SAMD4A: variants seen among roughly 807,000 people sequenced by gnomAD.
The protein encoded by SAMD4A is protein Smaug homolog 1.
In SAMD4A, 33 loss-of-function variants were observed where a neutral mutation model predicts 81.3. The observed-to-expected ratio is 0.41, with a 90% CI of 0.31 to 0.54. The LOEUF is 0.54. Among genes scored for constraint, SAMD4A ranks in the 20% least tolerant of loss-of-function variants. The pLI, the probability that SAMD4A is intolerant of heterozygous loss-of-function variation, is 0.37. For missense variants in SAMD4A, 854 were observed against 951.1 expected (o/e 0.90, Z 1.34); for synonymous variants, 389 against 382.1 (o/e 1.02, Z -0.21).
chr14:54,698,093 G>A (rs2036620512), intron 2 of SAMD4A, among the ~76,000 whole-genome samples: 2 of 152,200 alleles, frequency 1.3e-5, no homozygotes, highest in South Asian at 2.1e-4. Flanking sequence ...CCTGCACTCA[G>A]AAGGAAGGGA....
At chr14:54,689,309 G>C (rs571910164) in intron 2 of SAMD4A, among the ~76,000 whole-genome samples, 15 of 152,238 alleles carry the variant, frequency 9.9e-5, no homozygotes, top group African/African-American at 3.6e-4. Context: ...AGGGCTTTGG[G>C]TCTCCTCCTG....
In SAMD4A at chr14:54,567,728, C is replaced by G; in HGVS notation, c.-189C>G. The G allele has an allele frequency of 1.8e-6, 1 of 565,538 alleles. No homozygotes were observed. Among genetic ancestry groups the G allele is most frequent in the Non-Finnish European group, 3.0e-6 (1 of 328,382 alleles). 35.0% of individuals were successfully genotyped at this position (565,538 alleles called of 1,614,324 possible). On this transcript the variant is annotated 5_prime_UTR_variant, in exon 2 of 13. Transcript: ENST00000554335. ...CTCTGGGGAAATCAGCCAGAACCAC[C>G]GGAACGTAACTGAAACCAGACAAGA...
intron 2 of SAMD4A, among the ~76,000 whole-genome samples, chr14:54,569,021 TG>T (rs1189610383): frequency 6.6e-6 from 1 of 151,564 alleles, no homozygotes; most frequent in Non-Finnish European, 1.5e-5. Context: ...AGGAGGAGGC[TG>T]GGGGATGGGG....
intron 2 of SAMD4A, among the ~76,000 whole-genome samples, chr14:54,614,462 G>T (rs1193445558): frequency 6.6e-6 from 1 of 152,114 alleles, no homozygotes; most frequent in African/African-American, 2.4e-5. Context: ...TTGGATACTG[G>T]AAAAATTCTG....
intron 2 of SAMD4A, among the ~76,000 whole-genome samples, chr14:54,681,210 G>A (rs1227620700): frequency 2.9e-5 from 4 of 137,612 alleles, no homozygotes; most frequent in Non-Finnish European, 4.6e-5. Flanking sequence ...CCAACCGTGT[G>A]TCACTTCACC....
At chr14:54,584,830 G>A (rs116855721) in intron 2 of SAMD4A, among the ~76,000 whole-genome samples, 5,040 of 152,232 alleles carry the variant, frequency 0.033, 108 homozygotes, top group East Asian at 0.098. Context: ...ATTTTATTAA[G>A]TATACTTTCT....
intron 2 of SAMD4A, among the ~76,000 whole-genome samples, chr14:54,592,271 C>G (rs2033798263): frequency 6.6e-6 from 1 of 152,096 alleles, no homozygotes; most frequent in Non-Finnish European, 1.5e-5. Context: ...TTTGTAAGCT[C>G]CTTTCCTGTG....
At chr14:54,768,132 C>T (rs1484681441) in intron 8 of SAMD4A, among the ~76,000 whole-genome samples, 5 of 152,160 alleles carry the variant, frequency 3.3e-5, no homozygotes. Flanking sequence ...CAGGCTGGCA[C>T]CAGACCAGCT....
At chr14:54,644,428 G>T (rs1218865596) in intron 2 of SAMD4A, among the ~76,000 whole-genome samples, 1 of 152,162 alleles carries the variant, frequency 6.6e-6, no homozygotes, top group African/African-American at 2.4e-5. Context: ...CAGGCACCTG[G>T]CTATGTACTT....
At chr14:54,662,854 G>C (rs764383897) in intron 2 of SAMD4A, among the ~76,000 whole-genome samples, 19 of 152,164 alleles carry the variant, frequency 1.2e-4, no homozygotes, top group Non-Finnish European at 2.4e-4. Context: ...TTGACCCCCA[G>C]AGAGGTCTTG....
At chr14:54,692,735 T>G (rs2036472943) in intron 2 of SAMD4A, among the ~76,000 whole-genome samples, 2 of 152,152 alleles carry the variant, frequency 1.3e-5, no homozygotes, top group Non-Finnish European at 2.9e-5. Context: ...TGAGGGGTTT[T>G]TGGTGTAAAA....
At chr14:54,655,577 CAA>C (rs34612233) in intron 2 of SAMD4A, among the ~76,000 whole-genome samples, 28 of 148,720 alleles carry the variant, frequency 1.9e-4, no homozygotes, top group African/African-American at 6.2e-4. Flanking sequence ...ACTAAAAATA[CAA>C]AAAAAAAAAT....
chr14:54,784,515 C>T, intron 11 of SAMD4A, 22 bp from the exon 12 acceptor site: 2 of 1,613,932 alleles, frequency 1.2e-6, no homozygotes, highest in Non-Finnish European at 1.7e-6. Context: ...TTGTCACCAA[C>T]ATAACCCTTT....
rs532084090 is a variant in SAMD4A at position 54,603,949 on chromosome 14, C to T, written c.196+35837C>T. 1.7e-4 allele frequency among the ~76,000 whole-genome samples: 26 copies of T among 152,126 alleles called. 1 individual carries two copies. In the South Asian group the frequency reaches 4.6e-3, roughly 27 times the overall value. On this transcript the variant is annotated intron_variant, in intron 2 of 12. Transcript: ENST00000554335. ...AAGCGATTTTCCTGCCTCAGCCTCC[C>T]GAGTAGCTGGGACTACAGGTGTGTG... is the stretch of plus-strand genomic sequence containing the variant.
At chr14:54,682,376 A>C (rs2140579665) in intron 2 of SAMD4A, among the ~76,000 whole-genome samples, 1 of 152,292 alleles carries the variant, frequency 6.6e-6, no homozygotes, top group East Asian at 1.9e-4. Flanking sequence ...AATAATAAGC[A>C]GGTTTCCCTG....
chr14:54,744,338 G>C lies in SAMD4A; in HGVS notation c.980-4477G>C, dbSNP rs561814816. 1.1e-4 allele frequency among the ~76,000 whole-genome samples: 17 copies of C among 152,292 alleles called. No individual in the cohort carries two copies. In the South Asian group the frequency reaches 2.7e-3, roughly 24 times the overall value. On this transcript the variant is annotated intron_variant, in intron 4 of 12. Transcript: ENST00000554335. The stretch of plus-strand genomic sequence containing the variant: ...GCAGCCATTTCTGCAGCATGCATTA[G>C]AGACAAGCACTCCCAGTTCTAACTG...
chr14:54,605,015 T>G (rs557266549), intron 2 of SAMD4A, among the ~76,000 whole-genome samples: 494 of 152,384 alleles, frequency 3.2e-3, no homozygotes, highest in Non-Finnish European at 4.8e-3. Context: ...CTCAAACTCC[T>G]TTCAGATTTC....
At chr14:54,695,119 C>T (rs2140692100) in intron 2 of SAMD4A, among the ~76,000 whole-genome samples, 1 of 152,336 alleles carries the variant, frequency 6.6e-6, no homozygotes. Context: ...GGGACAGTAG[C>T]ATTTTGAAGT....
At chr14:54,780,016 T>G (rs1415995898) in intron 11 of SAMD4A, among the ~76,000 whole-genome samples, 2 of 152,170 alleles carry the variant, frequency 1.3e-5, no homozygotes, top group Non-Finnish European at 2.9e-5. Context: ...GACCCAGGCT[T>G]AGTTGTCCTT....
Sources: gnomAD v4.1 joint callset for allele counts (sites outside exome capture counted in the v4.1 genomes callset) on GRCh38, gnomAD v4.1.1 for gene constraint, MANE v1.5 for transcripts, NCBI Gene and HGNC (gene_info 2026-07-23, HGNC 2026-07-21) for gene names.